CACHD1: variants seen among roughly 807,000 people sequenced by gnomAD.
CACHD1 encodes the protein cache domain containing 1.
In CACHD1, 71 loss-of-function variants were observed where a neutral mutation model predicts 138.7. The observed-to-expected ratio is 0.51, with a 90% CI of 0.42 to 0.62. The LOEUF is 0.62. Ranked by LOEUF, CACHD1 falls within the 20% of genes least tolerant of loss-of-function variation. The probability of loss-of-function intolerance (pLI) is 0.00; values close to 1 mark genes in which losing one functional copy is unlikely to be tolerated. For missense variants in CACHD1, 1,389 were observed against 1,625.3 expected (o/e 0.85, Z 2.50); for synonymous variants, 578 against 591.5 (o/e 0.98, Z 0.33).
chr1:64,504,395 G>A (rs1646356233), intron 1 of CACHD1, among the ~76,000 whole-genome samples: 2 of 152,152 alleles, frequency 1.3e-5, no homozygotes, highest in South Asian at 4.1e-4. Flanking sequence ...TTTAATCACT[G>A]GAACTTAATG....
chr1:64,657,934 T>C (rs540079817), intron 12 of CACHD1, among the ~76,000 whole-genome samples: 1 of 152,338 alleles, frequency 6.6e-6, no homozygotes, highest in African/African-American at 2.4e-5. Flanking sequence ...TAGAACTAGG[T>C]AGATTGGCTT....
intron 8 of CACHD1, among the ~76,000 whole-genome samples, chr1:64,643,888 C>T (rs1424579274): frequency 6.6e-6 from 1 of 152,180 alleles, no homozygotes; most frequent in Non-Finnish European, 1.5e-5. Context: ...ATATGGTTTC[C>T]TGTCTCAGAC....
intron 3 of CACHD1, among the ~76,000 whole-genome samples, chr1:64,596,366 G>A (rs1048081060): frequency 3.3e-5 from 5 of 152,202 alleles, no homozygotes; most frequent in African/African-American, 4.8e-5. Flanking sequence ...CAGAAAGAAT[G>A]AGCGGGAACC....
chr1:64,667,421 A>G (rs1018468818), intron 16 of CACHD1, among the ~76,000 whole-genome samples: 3 of 152,212 alleles, frequency 2.0e-5, no homozygotes, highest in African/African-American at 7.2e-5. Flanking sequence ...TCTCGTGGAA[A>G]ACGGGGCCCT....
intron 1 of CACHD1, among the ~76,000 whole-genome samples, chr1:64,498,075 T>TGA (rs1286647988): frequency 6.6e-6 from 1 of 152,172 alleles, no homozygotes; most frequent in Non-Finnish European, 1.5e-5. Context: ...TGCAGTGAGC[T>TGA]GAGATCGTGC....
intron 2 of CACHD1, among the ~76,000 whole-genome samples, chr1:64,573,626 T>C (rs1016233663): frequency 3.3e-5 from 5 of 152,204 alleles, no homozygotes; most frequent in Non-Finnish European, 7.3e-5. Context: ...GGAAGATCTT[T>C]CCAATATGGC....
At chr1:64,608,611 C>A (rs996676076) in intron 4 of CACHD1, among the ~76,000 whole-genome samples, 6 of 152,134 alleles carry the variant, frequency 3.9e-5, no homozygotes, top group Non-Finnish European at 7.4e-5. Flanking sequence ...TTCTTAAAAC[C>A]ACCCCAGCCA....
intron 2 of CACHD1, chr1:64,563,600 C>G (rs1646858647): frequency 6.6e-6 from 1 of 152,166 alleles, no homozygotes; most frequent in Admixed American, 6.5e-5. Flanking sequence ...CTTAAAGAGA[C>G]AGCACTTTAT....
chr1:64,628,835 C>G (rs1186578647), intron 4 of CACHD1, among the ~76,000 whole-genome samples: 2 of 152,182 alleles, frequency 1.3e-5, no homozygotes, highest in Non-Finnish European at 2.9e-5. Flanking sequence ...ACAGAGGAAT[C>G]ATTCCATAAG....
Position 64,634,374 on chromosome 1 carries a change from G to GTATTTATT in CACHD1, c.1006+117_1006+118insTTATTTAT, listed in dbSNP as rs151171151. The GTATTTATT allele has an allele frequency of 2.3e-3, 591 of 259,816 alleles. 1 individual carries two copies. The highest frequency in any genetic ancestry group is 6.4e-3 in the South Asian group (61 of 9,516). The allele number at this position is 259,816 out of a possible 1,614,324, so 16.1% of individuals were successfully genotyped here. A position where few individuals can be genotyped will look rare whatever the true frequency, so the allele number is the denominator to read the frequency against. On this transcript the variant is annotated intron_variant, in intron 7 of 26. Coordinates refer to ENST00000651257, the MANE Select transcript of CACHD1 (RefSeq NM_020925.4). ...AGAGAGATTTTATTTATTTATTTATGTATGTATTTATTTATTTATTTATTT... is the reference window on the plus strand; with the variant it reads ...AGAGAGATTTTATTTATTTATTTATGTATTTATTTATGTATTTATTTATTTATTTATTT...
chr1:64,526,666 C>T lies in CACHD1; in HGVS notation c.199-23928C>T, dbSNP rs142052041. Among the ~76,000 whole-genome samples, 75 of 152,340 alleles carry T rather than the reference C, an allele frequency of 4.9e-4. 1 individual carries two copies. Among genetic ancestry groups the T allele is most frequent in the African/African-American group, 1.6e-3 (68 of 41,568 alleles). ...TGAAGCAATTTCCCATTCCTGCTAA[C>T]GCAGAAAACTCTGCAGATTTATTTA... On this transcript the variant is annotated intron_variant, in intron 1 of 26. Transcript: ENST00000651257.
At chr1:64,683,401 A>G (rs1012760262) in intron 26 of CACHD1, among the ~76,000 whole-genome samples, 8 of 152,206 alleles carry the variant, frequency 5.3e-5, no homozygotes, top group Admixed American at 3.9e-4. Context: ...TGAGGCTACT[A>G]AAGTTCAACA....
In CACHD1 at chr1:64,681,118, A is replaced by T. The variant is rs976075958; in HGVS notation, c.3407-140A>T. On this transcript the variant is annotated intron_variant, in intron 24 of 26. Coordinates refer to ENST00000651257, the MANE Select transcript of CACHD1 (RefSeq NM_020925.4). Reference sequence around the variant, plus strand: ...CTCCTTTAAAAAAACATGGGGCATCAGTTCATTCCCTTCTAAGATGGGATT... The same window carrying T: ...CTCCTTTAAAAAAACATGGGGCATCTGTTCATTCCCTTCTAAGATGGGATT... The T allele has an allele frequency of 6.0e-6, 3 of 499,176 alleles. No individual in the cohort carries two copies. In the East Asian group the frequency reaches 9.8e-5, roughly 16 times the overall value. 30.9% of individuals were successfully genotyped at this position (499,176 alleles called of 1,614,324 possible).
chr1:64,489,729 A>G (rs1167920741), intron 1 of CACHD1, among the ~76,000 whole-genome samples: 2 of 152,174 alleles, frequency 1.3e-5, no homozygotes, highest in East Asian at 3.8e-4. Flanking sequence ...CTTTTTCTTC[A>G]TGTGAGGATA....
chr1:64,606,697 C>T (rs562235049), intron 4 of CACHD1, among the ~76,000 whole-genome samples: 1 of 152,272 alleles, frequency 6.6e-6, no homozygotes, highest in South Asian at 2.1e-4. Flanking sequence ...CTCCAAAATC[C>T]AGGCAGCAGA....
chr1:64,685,422 CTG>C (rs1187282255), intron 26 of CACHD1, among the ~76,000 whole-genome samples: 4 of 152,188 alleles, frequency 2.6e-5, no homozygotes, highest in Admixed American at 6.5e-5. Context: ...CAAGACATGA[CTG>C]TACCCTTGTA....
intron 17 of CACHD1, among the ~76,000 whole-genome samples, chr1:64,672,362 A>G (rs1006283705): frequency 5.9e-5 from 9 of 152,062 alleles, no homozygotes; most frequent in Admixed American, 4.6e-4. Flanking sequence ...TGTTTCTATC[A>G]AATATAGATC....
intron 1 of CACHD1, among the ~76,000 whole-genome samples, chr1:64,486,399 T>TAC (rs1174652990): frequency 2.8e-5 from 4 of 143,944 alleles, no homozygotes; most frequent in South Asian, 2.2e-4. Flanking sequence ...CACATACACA[T>TAC]ACACACACAC....
intron 2 of CACHD1, among the ~76,000 whole-genome samples, chr1:64,560,960 C>T (rs1384025767): frequency 3.3e-5 from 5 of 152,018 alleles, no homozygotes; most frequent in Admixed American, 1.3e-4. Context: ...TCCTTAAAGT[C>T]TATTTTACTC....
Sources: allele counts gnomAD v4.1 joint callset (sites outside exome capture counted in the v4.1 genomes callset), GRCh38; gene constraint gnomAD v4.1.1; transcripts MANE v1.5; gene names NCBI Gene and HGNC (gene_info 2026-07-23, HGNC 2026-07-21).